Variants in PPP1R12C observed in about 807,000 individuals in gnomAD.
PPP1R12C encodes the protein leukocyte receptor cluster (LRC) encoded novel gene 3.
In PPP1R12C, 48 loss-of-function variants were observed where a neutral mutation model predicts 95.6. That is an observed-to-expected ratio of 0.50 (90% confidence interval 0.40 to 0.64). PPP1R12C has a LOEUF of 0.64. PPP1R12C is among the 30% of genes least tolerant of loss of function. PPP1R12C has a pLI of 0.00. For missense variants in PPP1R12C, 1,057 were observed against 1,083.3 expected, an observed-to-expected ratio of 0.98 and a Z score of 0.34; for synonymous variants, 480 against 460.8, an observed-to-expected ratio of 1.04 and a Z score of -0.53.
intron 1 of PPP1R12C, 109 bp downstream of exon 1, chr19:55,117,114 C>T: frequency 1.0e-6 from 1 of 992,722 alleles, no homozygotes; most frequent in Non-Finnish European, 1.3e-6. Context: ...AAGCCCAGGG[C>T]CAGGAACGAC....
chr19:55,109,555 C>T lies in PPP1R12C; in HGVS notation c.571+2912G>A, dbSNP rs1042695907. 6.6e-6 allele frequency among the ~76,000 whole-genome samples: 1 copy of T among 152,218 alleles called. No homozygotes were observed. The highest frequency in any genetic ancestry group is 6.5e-5 in the Admixed American group (1 of 15,278). On this transcript the variant is annotated intron_variant, in intron 3 of 21. Transcript: ENST00000263433. This position sits in a 1 kb window ranked among gnomAD's most constrained non-coding sequence, Gnocchi z 4.4. ...ACGAGGTGACTGGCTGAGCAGATCA[C>T]GTGCTCTCACTGAACCCCAGACCCA...
intron 6 of PPP1R12C, among the ~76,000 whole-genome samples, chr19:55,097,933 C>G (rs567664496): frequency 2.6e-5 from 4 of 152,264 alleles, no homozygotes; most frequent in African/African-American, 9.6e-5. Flanking sequence ...CCGGGTCTGC[C>G]CTGCCTTACG....
At position 55,094,804 on chromosome 19, in the gene PPP1R12C, T is replaced by C; in HGVS notation, c.1455-6A>G. ...GAGGCTTGGTGACCTCAGACCTGCA[T>C]CAATTCATTCATTCCACAAACATTA... On this transcript the variant is annotated splice_region_variant and splice_polypyrimidine_tract_variant and intron_variant, in intron 11 of 21. Coordinates refer to ENST00000263433, the MANE Select transcript of PPP1R12C (RefSeq NM_017607.4). 2 of 1,585,092 alleles carry C rather than the reference T, an allele frequency of 1.3e-6. No homozygotes were observed. Among genetic ancestry groups the C allele is most frequent in the Non-Finnish European group, 1.7e-6 (2 of 1,168,710 alleles).
intron 4 of PPP1R12C, among the ~76,000 whole-genome samples, chr19:55,101,057 T>C (rs191358071): frequency 6.6e-6 from 1 of 152,186 alleles, no homozygotes; most frequent in East Asian, 2.0e-4. Flanking sequence ...GAGACCAGCC[T>C]GGCCAACGTG....
In PPP1R12C at chr19:55,095,878, T is replaced by C. The variant is rs1244028154; in HGVS notation, c.1216A>G (p.Lys406Glu). The C allele has an allele frequency of 1.4e-5, 22 of 1,613,682 alleles. No individual in the cohort carries two copies. Among genetic ancestry groups the C allele is most frequent in the Non-Finnish European group, 1.8e-5 (21 of 1,179,892 alleles). ...GGGCATCCACTCACCACGGGACTCT[T>C]AGGGCTGGGGTGCGGCGGGGAGGAG... ...GVSSPPHPSPKSPVQLEEAPF... is the reference protein window; with the variant it reads ...GVSSPPHPSPESPVQLEEAPF... Residue 406 changes from lysine to glutamate, a missense_variant, in exon 9 of 22, where the codon AAG (lysine) becomes GAG (glutamate). This residue lies in a region of PPP1R12C where 356 missense variants were observed against 330.5 expected (regional missense o/e 1.08). Transcript: ENST00000263433.
chr19:55,117,626 C>T lies in PPP1R12C; in HGVS notation c.-83G>A, dbSNP rs1603015672. ...CCCGCCCGCCCGCCCGCCCCGGGGG[C>T]CGCCGGGAACTGCCGCTGGCCCCCC... On this transcript the variant is annotated 5_prime_UTR_variant, in exon 1 of 22. Transcript: ENST00000263433. The T allele has an allele frequency of 3.8e-6, 3 of 784,558 alleles. No homozygotes were observed. The highest frequency in any genetic ancestry group is 5.9e-5 in the South Asian group (1 of 16,808). The allele number at this position is 784,558 out of a possible 1,614,324, so 48.6% of individuals were successfully genotyped here.
intron 1 of PPP1R12C, chr19:55,113,713 G>A (rs1449927395): frequency 8.1e-6 from 6 of 739,788 alleles, no homozygotes; most frequent in South Asian, 5.9e-5. Context: ...GGAGCTACGA[G>A]GGCCAAGAGC....
chr19:55,108,769 C>T (rs545282700), intron 3 of PPP1R12C, among the ~76,000 whole-genome samples: 2 of 152,288 alleles, frequency 1.3e-5, no homozygotes, highest in Non-Finnish European at 2.9e-5. Context: ...TGCAGTGGCA[C>T]GATCTTGGCT....
At position 55,109,124 on chromosome 19, in the gene PPP1R12C, T is replaced by C. The variant is rs2085069164; in HGVS notation, c.571+3343A>G. ...ATATAAATTGCCTTTTTTGTTTTGG[T>C]TTATTTGGTTGAGACAGGGTCTTGC... On this transcript the variant is annotated intron_variant, in intron 3 of 21. Coordinates refer to ENST00000263433, the MANE Select transcript of PPP1R12C (RefSeq NM_017607.4). The surrounding 1 kb of genome is among the most constrained non-coding windows in gnomAD (Gnocchi z 4.4). 6.6e-6 allele frequency among the ~76,000 whole-genome samples: 1 copy of C among 152,042 alleles called. No homozygotes were observed. The highest frequency in any genetic ancestry group is 2.1e-4 in the South Asian group (1 of 4,824).
rs539068589 is a variant in PPP1R12C, at chr19:55,095,898, G to A, written c.1196C>T (p.Ser399Phe). The change falls in exon 9 of 22, where the codon TCC (serine) becomes TTC (phenylalanine). Residue 399 changes from serine to phenylalanine, a missense_variant. This residue lies in a region of PPP1R12C where 356 missense variants were observed against 330.5 expected (regional missense o/e 1.08). Transcript: ENST00000263433. ...ACTCTTAGGGCTGGGGTGCGGCGGG[G>A]AGGAGACGCCATTGAGGGTTCTGGG... The part of the protein sequence containing the change: ...AEPRTLNGVS[S>F]PPHPSPKSPV... 1.2e-6 allele frequency: 2 copies of A among 1,613,598 alleles called. No homozygotes were observed. The highest frequency in any genetic ancestry group is 3.3e-5 in the Admixed American group (2 of 60,018).
intron 3 of PPP1R12C, among the ~76,000 whole-genome samples, chr19:55,110,744 C>T (rs10418721): frequency 9.2e-5 from 14 of 151,970 alleles, no homozygotes; most frequent in African/African-American, 1.5e-4. Context: ...TGCTGGCTCA[C>T]GCCTGTAATC....
At position 55,113,686 on chromosome 19, in the gene PPP1R12C, T is replaced by G. The variant is rs183708858; in HGVS notation, c.322-891A>C. The G allele has an allele frequency of 5.7e-6, 6 of 1,047,064 alleles. No homozygotes were observed. The African/African-American group carries it at 9.9e-5, about 17-fold the overall frequency. 64.9% of individuals were successfully genotyped at this position (1,047,064 alleles called of 1,614,324 possible). ...TCCCTCACCTCTCCAAAGCTGCCCATCTGGAGGAGGCGGGAGGGAGCTACG... is the reference window on the plus strand; with the variant it reads ...TCCCTCACCTCTCCAAAGCTGCCCAGCTGGAGGAGGCGGGAGGGAGCTACG... On this transcript the variant is annotated intron_variant, in intron 1 of 21. Coordinates refer to ENST00000263433, the MANE Select transcript of PPP1R12C (RefSeq NM_017607.4).
intron 11 of PPP1R12C, 36 bp from the exon 12 acceptor site, chr19:55,094,834 G>C: frequency 6.4e-7 from 1 of 1,561,002 alleles, no homozygotes; most frequent in Middle Eastern, 1.7e-4. Context: ...ACATTACCCA[G>C]GTGCATTGTG....
intron 4 of PPP1R12C, among the ~76,000 whole-genome samples, chr19:55,101,841 G>A (rs2084983005): frequency 1.3e-5 from 2 of 152,198 alleles, no homozygotes; most frequent in African/African-American, 4.8e-5. Flanking sequence ...AGAAGGGACA[G>A]CGGTCTGGAG....
At chr19:55,117,138 A>T in intron 1 of PPP1R12C, 85 bp downstream of exon 1, 1 of 1,105,468 alleles carries the variant, frequency 9.0e-7, no homozygotes, top group Non-Finnish European at 1.1e-6. Context: ...GCGGATCGAG[A>T]CTGGCAACGG....
At chr19:55,104,179 AG>A (rs1229650553) in intron 3 of PPP1R12C, among the ~76,000 whole-genome samples, 5 of 104,340 alleles carry the variant, frequency 4.8e-5, no homozygotes, top group East Asian at 3.0e-4. Flanking sequence ...AAAAAAAAAA[AG>A]TATATATATA....
chr19:55,093,311 C>G (rs1414573872), intron 13 of PPP1R12C, 78 bp from the exon 14 acceptor site: 3 of 1,126,528 alleles, frequency 2.7e-6, no homozygotes, highest in South Asian at 2.7e-5. Context: ...GGAGCCCAGG[C>G]CCCAGCCCCT....
At chr19:55,098,885 AC>A (rs1227967278) in intron 5 of PPP1R12C, 27 bp from the exon 6 acceptor site, 1 of 1,612,890 alleles carries the variant, frequency 6.2e-7, no homozygotes, top group South Asian at 1.1e-5. Context: ...GCAGGATCAG[AC>A]AATGAAGGAG....
intron 12 of PPP1R12C, 91 bp from the exon 13 acceptor site, chr19:55,094,526 G>A (rs1382321002): frequency 1.8e-5 from 28 of 1,587,042 alleles, no homozygotes; most frequent in Non-Finnish European, 2.3e-5. Flanking sequence ...AGTTCTGTGG[G>A]AGGGGACTCC....
Sources: allele counts gnomAD v4.1 joint callset (sites outside exome capture counted in the v4.1 genomes callset), GRCh38; gene constraint gnomAD v4.1.1; regional missense constraint gnomAD v4.1.1; non-coding constraint Gnocchi (gnomAD v3.1); transcripts MANE v1.5; gene names NCBI Gene and HGNC (gene_info 2026-07-23, HGNC 2026-07-21).